The following GLT1D1 variants were observed in gnomAD, a reference collection of about 807,000 sequenced individuals.
GLT1D1 encodes glycosyltransferase 1 domain-containing protein 1.
GLT1D1 carries 21 observed loss-of-function variants against 28.7 expected under a neutral mutation model. The observed-to-expected ratio is 0.73, with a 90% CI of 0.52 to 1.05. The LOEUF (loss-of-function observed/expected upper bound fraction) is 1.05. GLT1D1 is among the 50% of genes least tolerant of loss of function. GLT1D1 has a pLI of 0.00. For missense variants in GLT1D1, 343 were observed against 330.6 expected (o/e 1.04, Z -0.29); for synonymous variants, 147 against 124.8 (o/e 1.18, Z -1.19).
intron 1 of GLT1D1, among the ~76,000 whole-genome samples, chr12:128,855,256 CAAA>C (rs1258698287): frequency 1.5e-5 from 2 of 131,592 alleles, no homozygotes; most frequent in African/African-American, 5.6e-5. Context: ...ACAACAACAA[CAAA>C]AAAAACAAAA....
chr12:128,945,066 C>T (rs1875861291), intron 4 of GLT1D1: 4 of 659,238 alleles, frequency 6.1e-6, no homozygotes, highest in Admixed American at 2.7e-5. Flanking sequence ...CTGCGCCCCG[C>T]AGCATGTTGT....
chr12:128,946,933 G>A (rs11060035), intron 5 of GLT1D1, among the ~76,000 whole-genome samples: 33,294 of 151,894 alleles, frequency 0.22, 3,841 homozygotes, highest in Admixed American at 0.3. Context: ...ACAGGTGTGA[G>A]CCACTGCACC....
At chr12:128,955,772 C>T (rs1240742470) in intron 6 of GLT1D1, among the ~76,000 whole-genome samples, 2 of 151,908 alleles carry the variant, frequency 1.3e-5, no homozygotes, top group Admixed American at 1.3e-4. Flanking sequence ...AAACGGGAGA[C>T]ACATCTGGTC....
intron 1 of GLT1D1, among the ~76,000 whole-genome samples, chr12:128,872,093 A>G (rs567793994): frequency 7.2e-5 from 11 of 152,256 alleles, no homozygotes; most frequent in Admixed American, 2.0e-4. Flanking sequence ...CTGGGATTAC[A>G]GGCATATGCC....
intron 7 of GLT1D1, among the ~76,000 whole-genome samples, chr12:128,965,879 C>T (rs970611306): frequency 2.6e-5 from 4 of 152,080 alleles, no homozygotes; most frequent in Admixed American, 2.0e-4. Flanking sequence ...TGGATAACAG[C>T]AAGACCCTGT....
intron 4 of GLT1D1, among the ~76,000 whole-genome samples, chr12:128,944,007 C>CA (rs1875698680): frequency 1.3e-5 from 2 of 152,060 alleles, no homozygotes; most frequent in African/African-American, 4.8e-5. Flanking sequence ...AATTTTGCTC[C>CA]AACAGATGTT....
At chr12:128,941,273 T>A (rs1360477949) in intron 4 of GLT1D1, among the ~76,000 whole-genome samples, 2 of 152,250 alleles carry the variant, frequency 1.3e-5, no homozygotes, top group Non-Finnish European at 2.9e-5. Flanking sequence ...GAAGTCATCC[T>A]GTTAAAAAAT....
chr12:128,963,949 T>C (rs470814), intron 7 of GLT1D1, among the ~76,000 whole-genome samples: 152,119 of 152,360 alleles, frequency 1, 75,940 homozygotes, highest in Middle Eastern at 1. Context: ...AACAGAATAC[T>C]ATAGACTGGG....
At chr12:128,865,438 C>T (rs1956489167) in intron 1 of GLT1D1, among the ~76,000 whole-genome samples, 1 of 152,074 alleles carries the variant, frequency 6.6e-6, no homozygotes, top group Non-Finnish European at 1.5e-5. Flanking sequence ...TGTCTATCAC[C>T]TTGAAGACAG....
intron 6 of GLT1D1, among the ~76,000 whole-genome samples, chr12:128,950,273 G>A (rs909425844): frequency 1.1e-4 from 17 of 152,302 alleles, no homozygotes; most frequent in Non-Finnish European, 2.4e-4. Flanking sequence ...CTTCAAAAGT[G>A]ATAGACACTT....
At chr12:128,883,920 G>C (rs768298631) in intron 2 of GLT1D1, among the ~76,000 whole-genome samples, 23 of 152,160 alleles carry the variant, frequency 1.5e-4, no homozygotes, top group Non-Finnish European at 3.1e-4. Flanking sequence ...AGAAGGGAAA[G>C]GATTTACTTC....
intron 6 of GLT1D1, among the ~76,000 whole-genome samples, chr12:128,951,493 T>G (rs765454547): frequency 2.0e-5 from 3 of 152,186 alleles, no homozygotes; most frequent in Non-Finnish European, 2.9e-5. Context: ...TGTTTGTTTG[T>G]TTTTCTAATC....
chr12:128,874,116 CTCTCTCTCTCTTTCTTTCTTTCTT>C lies in GLT1D1; in HGVS notation c.69-1794_69-1771del, dbSNP rs1408014797. On this transcript the variant is annotated intron_variant, in intron 1 of 7. Coordinates refer to ENST00000281703, the MANE Select transcript of GLT1D1 (RefSeq NM_144669.3). The stretch of plus-strand genomic sequence containing the variant: ...TCTTTCTTTCTCTCTCTCTCTCTCT[CTCTCTCTCTCTTTCTTTCTTTCTT>C]TCTTTCTTTCTTTCTTTCTTTCTTT... 8.6e-4 allele frequency among the ~76,000 whole-genome samples: 51 copies of C among 59,530 alleles called. 1 individual carries two copies. The highest frequency in any genetic ancestry group is 2.6e-3 in the African/African-American group (30 of 11,608). 39.1% of individuals were successfully genotyped at this position (59,530 alleles called of 152,430 possible). A position where few individuals can be genotyped will look rare whatever the true frequency, so the allele number is the denominator to read the frequency against.
intron 4 of GLT1D1, among the ~76,000 whole-genome samples, chr12:128,919,392 T>G (rs537861162): frequency 2.7e-4 from 41 of 152,220 alleles, no homozygotes; most frequent in Non-Finnish European, 5.6e-4. Context: ...AACAGTTGAG[T>G]GATTGATTAG....
chr12:128,891,454 G>A (rs1318447485), intron 3 of GLT1D1, among the ~76,000 whole-genome samples: 3 of 152,098 alleles, frequency 2.0e-5, no homozygotes, highest in East Asian at 1.9e-4. Context: ...CTATCCCTTC[G>A]ACCCTTTTAA....
intron 4 of GLT1D1, among the ~76,000 whole-genome samples, chr12:128,941,930 A>G (rs1437468272): frequency 3.6e-5 from 2 of 55,690 alleles, no homozygotes; most frequent in African/African-American, 7.6e-5. Context: ...TTTTTTTTTT[A>G]CTATTATTGT....
At chr12:128,899,388 C>A (rs113191096) in intron 4 of GLT1D1, 101 bp downstream of exon 4, 5 of 977,454 alleles carry the variant, frequency 5.1e-6, no homozygotes, top group Non-Finnish European at 6.7e-6. Flanking sequence ...TTCCCATGGA[C>A]GGTGCCTGTT....
chr12:128,857,125 C>T (rs984541811), intron 1 of GLT1D1, among the ~76,000 whole-genome samples: 3 of 152,356 alleles, frequency 2.0e-5, no homozygotes, highest in African/African-American at 7.2e-5. Context: ...AAACTCACAT[C>T]CACCCACAAG....
intron 6 of GLT1D1, among the ~76,000 whole-genome samples, chr12:128,956,531 T>A (rs905737506): frequency 1.3e-5 from 2 of 152,208 alleles, no homozygotes; most frequent in African/African-American, 4.8e-5. Flanking sequence ...GATGACCTTT[T>A]ACTCAATGGA....
Sources: gnomAD v4.1 joint callset for allele counts (sites outside exome capture counted in the v4.1 genomes callset) on GRCh38, gnomAD v4.1.1 for gene constraint, MANE v1.5 for transcripts, NCBI Gene and HGNC (gene_info 2026-07-23, HGNC 2026-07-21) for gene names.